Variants in BMPR1A observed in about 807,000 individuals in gnomAD.
The protein encoded by BMPR1A is bone morphogenetic protein receptor type-1A.
Under a neutral mutation model 66.0 loss-of-function variants are expected in BMPR1A, and 7 were observed. The observed-to-expected ratio is 0.11, with a 90% CI of 0.06 to 0.20. BMPR1A has a LOEUF of 0.20. Ranked by LOEUF, BMPR1A falls within the 10% of genes least tolerant of loss-of-function variation. The pLI, the probability that BMPR1A is intolerant of heterozygous loss-of-function variation, is 1.00. For missense variants in BMPR1A, 408 were observed against 669.1 expected (o/e 0.61, Z 4.31); for synonymous variants, 200 against 229.7 (o/e 0.87, Z 1.17).
intron 1 of BMPR1A, among the ~76,000 whole-genome samples, chr10:86,804,792 G>GTTTTTTTTTTTTTTTTTTT (rs5786747): frequency 1.6e-4 from 9 of 57,262 alleles, no homozygotes; most frequent in African/African-American, 2.5e-4. Context: ...GTTTGTAGGT[G>GTTTTTTTTTTTTTTTTTTT]TTTTTTTTTT....
At chr10:86,757,286 C>G (rs1396639980) in intron 1 of BMPR1A, among the ~76,000 whole-genome samples, 1 of 152,058 alleles carries the variant, frequency 6.6e-6, no homozygotes, top group Admixed American at 6.5e-5. Flanking sequence ...GATTTGGCTC[C>G]GGACGCTGTG....
intron 2 of BMPR1A, among the ~76,000 whole-genome samples, chr10:86,844,591 G>A (rs1221550819): frequency 6.6e-6 from 1 of 152,150 alleles, no homozygotes; most frequent in Non-Finnish European, 1.5e-5. Context: ...ACTGTTAACT[G>A]ATGACTGATT....
At chr10:86,841,470 TATGAG>T (rs746120947) in intron 2 of BMPR1A, among the ~76,000 whole-genome samples, 2 of 152,118 alleles carry the variant, frequency 1.3e-5, no homozygotes, top group Non-Finnish European at 2.9e-5. Flanking sequence ...ACACCAATGT[TATGAG>T]AGGAGAGAAT....
At chr10:86,822,469 C>T (rs1842132982) in intron 1 of BMPR1A, among the ~76,000 whole-genome samples, 1 of 152,058 alleles carries the variant, frequency 6.6e-6, no homozygotes, top group African/African-American at 2.4e-5. Context: ...GCAATTGGTT[C>T]AGGATTTGGG....
At chr10:86,911,778 G>A (rs995353719) in intron 7 of BMPR1A, among the ~76,000 whole-genome samples, 1 of 151,718 alleles carries the variant, frequency 6.6e-6, no homozygotes, top group Admixed American at 6.6e-5. Flanking sequence ...AAAAATATGA[G>A]TAGGCAGTTC....
chr10:86,887,253 G>T (rs1013041563), intron 3 of BMPR1A, among the ~76,000 whole-genome samples: 3 of 152,086 alleles, frequency 2.0e-5, no homozygotes, highest in African/African-American at 7.2e-5. Context: ...TGCGTTTCTA[G>T]CATTTAATAC....
At chr10:86,822,626 G>GTTTTTA (rs66733391) in intron 1 of BMPR1A, among the ~76,000 whole-genome samples, 102 of 44,860 alleles carry the variant, frequency 2.3e-3, no homozygotes, top group Non-Finnish European at 2.3e-3. Context: ...TTTTTTTCCC[G>GTTTTTA]TTTTTATTTT....
rs148382000 is a variant in BMPR1A, at chr10:86,904,478, C to T, written c.530+4352C>T. 2.0e-5 allele frequency among the ~76,000 whole-genome samples: 3 copies of T among 152,276 alleles called. 1 individual carries two copies. Among genetic ancestry groups the T allele is most frequent in the African/African-American group, 7.2e-5 (3 of 41,552 alleles). ...AGTGCCCAAAGAAAAACATCACAGA[C>T]TTTGAATTCTATAGCCAGAGAAAAT... On this transcript the variant is annotated intron_variant, in intron 7 of 12. Coordinates refer to ENST00000372037, the MANE Select transcript of BMPR1A (RefSeq NM_004329.3).
chr10:86,869,749 C>T (rs1330232623), intron 2 of BMPR1A, among the ~76,000 whole-genome samples: 1 of 149,606 alleles, frequency 6.7e-6, no homozygotes, highest in African/African-American at 2.4e-5. Context: ...AAGAGTGAAA[C>T]TCTGTCTCAA....
chr10:86,818,226 C>T (rs1648069906), intron 1 of BMPR1A, among the ~76,000 whole-genome samples: 1 of 152,136 alleles, frequency 6.6e-6, no homozygotes. Context: ...CCCATGTTGG[C>T]CAAGCTGGTC....
rs546310624 is a variant in BMPR1A at position 86,923,878 on chromosome 10, T to C, written c.*159T>C. 53 of 813,014 alleles carry C rather than the reference T, an allele frequency of 6.5e-5. No individual in the cohort carries two copies. Among genetic ancestry groups the C allele is most frequent in the African/African-American group, 5.4e-4 (31 of 57,856 alleles). 50.4% of individuals were successfully genotyped at this position (813,014 alleles called of 1,614,324 possible). A position where few individuals can be genotyped will look rare whatever the true frequency, so the allele number is the denominator to read the frequency against. Reference sequence around the variant, plus strand: ...AATATTAAACCTTTCAGTACTCTTATTAGGATACAAGCTGGGAACTTCTAA... The same window carrying C: ...AATATTAAACCTTTCAGTACTCTTACTAGGATACAAGCTGGGAACTTCTAA... On this transcript the variant is annotated 3_prime_UTR_variant, in exon 13 of 13. Coordinates refer to ENST00000372037, the MANE Select transcript of BMPR1A (RefSeq NM_004329.3).
At chr10:86,906,937 T>C (rs1589286055) in intron 7 of BMPR1A, among the ~76,000 whole-genome samples, 1 of 152,158 alleles carries the variant, frequency 6.6e-6, no homozygotes, top group Admixed American at 6.6e-5. Flanking sequence ...ACAGATTTTT[T>C]TTTTTCTTCA....
chr10:86,895,892 G>C (rs1028893656), intron 5 of BMPR1A, among the ~76,000 whole-genome samples: 1 of 152,078 alleles, frequency 6.6e-6, no homozygotes, highest in Non-Finnish European at 1.5e-5. Flanking sequence ...GGTGGCTCAC[G>C]CCTGTAATTC....
chr10:86,831,498 A>G (rs754645357), intron 1 of BMPR1A, among the ~76,000 whole-genome samples: 2 of 152,218 alleles, frequency 1.3e-5, no homozygotes, highest in South Asian at 2.1e-4. Context: ...GTTTATGCCT[A>G]TAATCCCAGC....
chr10:86,824,762 TAAGTC>T lies in BMPR1A; in HGVS notation c.-267-14098_-267-14094del, dbSNP rs869170388. Among the ~76,000 whole-genome samples the T allele has an allele frequency of 5.3e-5, 8 of 152,086 alleles. No homozygotes were observed. The East Asian group carries it at 5.8e-4, about 11-fold the overall frequency. Reference sequence around the variant, plus strand: ...TAATTTTAAGTTTTTAGTAAATAATTAAGTCAAGTATTACATGACAGTTTAATTGG... The same window carrying T: ...TAATTTTAAGTTTTTAGTAAATAATTAAGTATTACATGACAGTTTAATTGG... On this transcript the variant is annotated intron_variant, in intron 1 of 12. Transcript: ENST00000372037.
intron 5 of BMPR1A, 22 bp downstream of exon 5, chr10:86,892,251 A>G (rs1165365019): frequency 3.1e-6 from 5 of 1,592,308 alleles, no homozygotes; most frequent in Non-Finnish European, 4.3e-6. Flanking sequence ...TTTGGGACCC[A>G]TGAGACAAAG....
rs574229174 is a variant in BMPR1A, at chr10:86,912,278, A to T, written c.569A>T (p.Asn190Ile). The change falls in exon 8 of 13, where the codon AAT (asparagine) becomes ATT (isoleucine). Residue 190 changes from asparagine (N) to isoleucine (I), a missense_variant. Around this residue, in one of 5 missense-constraint regions of BMPR1A, gnomAD observed 174 missense variants for 265.1 expected, o/e 0.66. Coordinates refer to ENST00000372037, the MANE Select transcript of BMPR1A (RefSeq NM_004329.3). ...AGCATCTCAAGCAGACGTCGTTACA[A>T]TCGTGATTTGGAACAGGATGAAGCA... The part of the protein sequence containing the change: ...CKSISSRRRY[N>I]RDLEQDEAFI... 1.2e-6 allele frequency: 2 copies of T among 1,613,942 alleles called. No homozygotes were observed. The highest frequency in any genetic ancestry group is 1.1e-5 in the South Asian group (1 of 91,072).
At chr10:86,777,055 C>T (rs181976635) in intron 1 of BMPR1A, among the ~76,000 whole-genome samples, 1 of 152,292 alleles carries the variant, frequency 6.6e-6, no homozygotes, top group Admixed American at 6.5e-5. Flanking sequence ...ACCCTATTAT[C>T]TTTGCACTGT....
chr10:86,837,247 C>CTGTGTCTG (rs1554883382), intron 1 of BMPR1A, among the ~76,000 whole-genome samples: 1 of 138,106 alleles, frequency 7.2e-6, no homozygotes. Context: ...GTGTGTGTGT[C>CTGTGTCTG]TGTGTGTGTG....
Sources: allele counts gnomAD v4.1 joint callset (sites outside exome capture counted in the v4.1 genomes callset), GRCh38; gene constraint gnomAD v4.1.1; regional missense constraint gnomAD v4.1.1; transcripts MANE v1.5; gene names NCBI Gene and HGNC (gene_info 2026-07-23, HGNC 2026-07-21).